SEMA3F: variants seen among roughly 807,000 people sequenced by gnomAD.
SEMA3F encodes the protein semaphorin-3F.
SEMA3F carries 30 observed loss-of-function variants against 98.5 expected under a neutral mutation model. The observed-to-expected ratio is 0.30, with a 90% CI of 0.23 to 0.41. The LOEUF (loss-of-function observed/expected upper bound fraction) is 0.41, where lower values mean the gene tolerates loss of function less well. SEMA3F is among the 10% of genes least tolerant of loss of function. The probability of loss-of-function intolerance (pLI) is 1.00; values close to 1 mark genes in which losing one functional copy is unlikely to be tolerated. For synonymous variants in SEMA3F, 380 were observed against 444.8 expected (o/e 0.85, Z 1.83); for missense variants, 866 against 1,119.3 (o/e 0.77, Z 3.23).
At position 50,183,017 on chromosome 3, in the gene SEMA3F, C is replaced by T. The variant is rs769235116; in HGVS notation, c.1017C>T (p.Leu339=). ...EDGIETHFDE[L]QDVFVQQTQD... is the part of the protein sequence containing the mutation. ...GCATTGAGACTCACTTTGATGAGCT[C>T]CGTGAGTGCCCAGCAGGCAGGCAGG... Residue 339 remains leucine, a splice_region_variant and synonymous_variant, in exon 10 of 19, where the codon CTC becomes CTT. Coordinates refer to ENST00000002829, the MANE Select transcript of SEMA3F (RefSeq NM_004186.5). 2.5e-6 allele frequency: 4 copies of T among 1,612,262 alleles called. No homozygotes were observed. Among genetic ancestry groups the T allele is most frequent in the South Asian group, 1.1e-5 (1 of 91,062 alleles).
At position 50,183,271 on chromosome 3, in the gene SEMA3F, G is replaced by C; in HGVS notation, c.1088+16G>C. On this transcript the variant is annotated intron_variant, in intron 11 of 18. Coordinates refer to ENST00000002829, the MANE Select transcript of SEMA3F (RefSeq NM_004186.5). ...CCTCCTCTGGGTGAGGCTGGGGTCA[G>C]GGCCAGCAGTGGCAGGGAGTGGCCC... 6.2e-7 allele frequency: 1 copy of C among 1,613,378 alleles called. No individual in the cohort carries two copies. Among genetic ancestry groups the C allele is most frequent in the Admixed American group, 1.7e-5 (1 of 60,022 alleles).
Position 50,184,825 on chromosome 3 carries a change from C to T in SEMA3F, c.1456+11C>T, listed in dbSNP as rs377674880. ...TTTTCCTGGGCACAGGTACCCACTGCTGCTCCCGGCCTCTCCCACGCTGGG... is the reference window on the plus strand; with the variant it reads ...TTTTCCTGGGCACAGGTACCCACTGTTGCTCCCGGCCTCTCCCACGCTGGG... On this transcript the variant is annotated intron_variant, in intron 13 of 18. Transcript: ENST00000002829. The T allele has an allele frequency of 6.9e-6, 11 of 1,604,568 alleles. No homozygotes were observed. Among genetic ancestry groups the T allele is most frequent in the Non-Finnish European group, 8.5e-6 (10 of 1,173,492 alleles).
Position 50,182,410 on chromosome 3 carries a change from G to A in SEMA3F, c.763+7G>A, listed in dbSNP as rs41291722. 7,862 of 1,613,248 alleles carry A rather than the reference G, an allele frequency of 4.9e-3. 27 individuals are homozygous for A. Among genetic ancestry groups the A allele is most frequent in the South Asian group, 7.1e-3 (643 of 91,074 alleles). ...AACTCCCGGTGGCTGAACGGTAAGCGCAGCCCCAGGAGCCCTTCCGTGGCC... is the reference window on the plus strand; with the variant it reads ...AACTCCCGGTGGCTGAACGGTAAGCACAGCCCCAGGAGCCCTTCCGTGGCC... On this transcript the variant is annotated splice_region_variant and intron_variant, in intron 8 of 18. Coordinates refer to ENST00000002829, the MANE Select transcript of SEMA3F (RefSeq NM_004186.5). The surrounding 1 kb of genome is among the most constrained non-coding windows in gnomAD (Gnocchi z 4.5).
At position 50,155,759 on chromosome 3, in the gene SEMA3F, C is replaced by T; in HGVS notation, c.-49+195C>T. The T allele has an allele frequency of 4.6e-6, 1 of 215,096 alleles. No homozygotes were observed. Among genetic ancestry groups the T allele is most frequent in the Non-Finnish European group, 9.1e-6 (1 of 109,590 alleles). The allele number at this position is 215,096 out of a possible 1,614,324, so 13.3% of individuals were successfully genotyped here. Reference sequence around the variant, plus strand: ...CTGTCCTGGAGGCCCGGACCCCTTACCTACGGGGCGGCGTATGGATGTGTG... The same window carrying T: ...CTGTCCTGGAGGCCCGGACCCCTTATCTACGGGGCGGCGTATGGATGTGTG... On this transcript the variant is annotated intron_variant, in intron 1 of 18. Coordinates refer to ENST00000002829, the MANE Select transcript of SEMA3F (RefSeq NM_004186.5). This position sits in a 1 kb window ranked among gnomAD's most constrained non-coding sequence, Gnocchi z 4.9.
chr3:50,174,545 C>T (rs563251331), intron 5 of SEMA3F, among the ~76,000 whole-genome samples, 195 bp downstream of exon 5: 56 of 152,380 alleles, frequency 3.7e-4, no homozygotes, highest in African/African-American at 1.3e-3. Context: ...TCTCACAGGT[C>T]GGTGTGAGGA....
intron 18 of SEMA3F, 32 bp downstream of exon 18, chr3:50,186,778 A>G: frequency 6.4e-7 from 1 of 1,562,832 alleles, no homozygotes; most frequent in Non-Finnish European, 8.7e-7. Flanking sequence ...TGCACCGTGG[A>G]TGTGAGTCCT....
intron 18 of SEMA3F, 118 bp from the exon 19 acceptor site, chr3:50,187,587 G>A (rs1699268996): frequency 1.4e-5 from 10 of 713,726 alleles, no homozygotes; most frequent in Non-Finnish European, 2.0e-5. Flanking sequence ...TCTGGCATAT[G>A]GAAATCCCAC....
rs1277440787 is a variant in SEMA3F at position 50,188,098 on chromosome 3, C to T, written c.2341C>T (p.His781Tyr). The change falls in exon 19 of 19, where the codon CAC (histidine) becomes TAC (tyrosine). Residue 781 changes from histidine (H) to tyrosine (Y), a missense_variant. Physicochemically the swap from His to Tyr is moderately conservative, Grantham distance 83 (BLOSUM62 2). This residue lies in a region of SEMA3F where 245 missense variants were observed against 260.5 expected (regional missense o/e 0.94). Coordinates refer to ENST00000002829, the MANE Select transcript of SEMA3F (RefSeq NM_004186.5). This position sits in a 1 kb window ranked among gnomAD's most constrained non-coding sequence, Gnocchi z 4.5. ...GAAAAAGCCCCGGAACCGCCGGCAC[C>T]ACCCTCCGGACACATGAGGCCAGCT... ...DQKKPRNRRH[H>Y]PPDT 3.9e-6 allele frequency: 6 copies of T among 1,537,078 alleles called. No individual in the cohort carries two copies. The highest frequency in any genetic ancestry group is 2.3e-5 in the East Asian group (1 of 42,586).
chr3:50,169,592 C>T (rs529213848), intron 2 of SEMA3F, among the ~76,000 whole-genome samples: 2 of 152,338 alleles, frequency 1.3e-5, no homozygotes, highest in South Asian at 4.1e-4. Context: ...CCTTCCTCCC[C>T]CTAAGGTCAA....
Position 50,166,965 on chromosome 3 carries a change from T to G in SEMA3F, c.113-6828T>G, listed in dbSNP as rs975744532. 2.6e-5 allele frequency among the ~76,000 whole-genome samples: 4 copies of G among 152,100 alleles called. No individual in the cohort carries two copies. Among genetic ancestry groups the G allele is most frequent in the Admixed American group, 6.5e-5 (1 of 15,280 alleles). On this transcript the variant is annotated intron_variant, in intron 2 of 18. Coordinates refer to ENST00000002829, the MANE Select transcript of SEMA3F (RefSeq NM_004186.5). This position sits in a 1 kb window ranked among gnomAD's most constrained non-coding sequence, Gnocchi z 4.7. ...GGCACTCACTGAATGGCCTTTTCACTCTCCCCACCTGAGAAATGAATCAGT... is the reference window on the plus strand; with the variant it reads ...GGCACTCACTGAATGGCCTTTTCACGCTCCCCACCTGAGAAATGAATCAGT...
rs1421573106 is a variant in SEMA3F at position 50,155,625 on chromosome 3, T to G, written c.-49+61T>G. ...CGGCCGGGCCACCCCGCGACCCCTC[T>G]GGGACCCGCGGCACTGCAACTCCGC... On this transcript the variant is annotated intron_variant, in intron 1 of 18. Transcript: ENST00000002829. The surrounding 1 kb of genome is among the most constrained non-coding windows in gnomAD (Gnocchi z 4.9). 5 of 234,950 alleles carry G rather than the reference T, an allele frequency of 2.1e-5. No homozygotes were observed. Among genetic ancestry groups the G allele is most frequent in the Non-Finnish European group, 4.1e-5 (5 of 121,942 alleles). The allele number at this position is 234,950 out of a possible 1,614,324, so 14.6% of individuals were successfully genotyped here. A position where few individuals can be genotyped will look rare whatever the true frequency, so the allele number is the denominator to read the frequency against.
chr3:50,176,780 T>C lies in SEMA3F; in HGVS notation c.562T>C (p.Tyr188His), dbSNP rs141707114. Residue 188 changes from tyrosine (Y) to histidine (H), a missense_variant, in exon 7 of 19, where the codon TAC becomes CAC. By Grantham distance (83) the Tyr-to-His change is moderately conservative (BLOSUM62 2). Coordinates refer to ENST00000002829, the MANE Select transcript of SEMA3F (RefSeq NM_004186.5). Reference protein sequence around the residue: ...PTAPRQDYIFYLEPERLESGK... With the variant: ...PTAPRQDYIFHLEPERLESGK... Reference sequence around the variant, plus strand: ...CTCTGCCTTACAGGATTACATCTTCTACCTGGAGCCTGAGCGACTCGAGTC... The same window carrying C: ...CTCTGCCTTACAGGATTACATCTTCCACCTGGAGCCTGAGCGACTCGAGTC... 7.4e-6 allele frequency: 12 copies of C among 1,612,774 alleles called. No homozygotes were observed. In the African/African-American group the frequency reaches 1.5e-4, roughly 20 times the overall value.
chr3:50,160,704 G>A (rs763647320), intron 2 of SEMA3F, among the ~76,000 whole-genome samples: 20 of 152,202 alleles, frequency 1.3e-4, no homozygotes, highest in African/African-American at 1.7e-4. Context: ...CCAGATTTCC[G>A]GGCAGCCATA....
At chr3:50,184,921 G>C in intron 13 of SEMA3F, 107 bp downstream of exon 13, 1 of 768,912 alleles carries the variant, frequency 1.3e-6, no homozygotes. Context: ...AAGCTCATCA[G>C]AGTCACTTCT....
At position 50,158,197 on chromosome 3, in the gene SEMA3F, G is replaced by A. The variant is rs1698068696; in HGVS notation, c.-48-1378G>A. The stretch of plus-strand genomic sequence containing the variant: ...CTTTGTGCCTCCCAGACCTGAGGAG[G>A]GGCTGGTTCTGATTCCCCCATCCCC... On this transcript the variant is annotated intron_variant, in intron 1 of 18. Transcript: ENST00000002829. This position sits in a 1 kb window ranked among gnomAD's most constrained non-coding sequence, Gnocchi z 4.8. 6.6e-6 allele frequency among the ~76,000 whole-genome samples: 1 copy of A among 152,236 alleles called. No individual in the cohort carries two copies.
chr3:50,178,802 C>G (rs1163297093), intron 7 of SEMA3F, among the ~76,000 whole-genome samples: 4 of 147,198 alleles, frequency 2.7e-5, no homozygotes, highest in African/African-American at 1.0e-4. Flanking sequence ...AGAGCTCAGG[C>G]AGAGTAGATT....
At position 50,185,966 on chromosome 3, in the gene SEMA3F, T is replaced by G. The variant is rs1168276927; in HGVS notation, c.1665T>G (p.Cys555Trp). ...GCTGCCAGGCGTATGGGGCTGCCTG[T>G]GCTGACTGCTGCCTTGCCCGGGACC... ...LHRCQAYGAA[C>W]ADCCLARDPY... The change falls in exon 16 of 19, where the codon TGT becomes TGG. Residue 555 changes from cysteine (C) to tryptophan (W), a missense_variant. Coordinates refer to ENST00000002829, the MANE Select transcript of SEMA3F (RefSeq NM_004186.5). 1 of 1,614,106 alleles carries G rather than the reference T, an allele frequency of 6.2e-7. No individual in the cohort carries two copies.
chr3:50,175,259 CTG>C, intron 6 of SEMA3F, 71 bp downstream of exon 6: 2 of 1,101,656 alleles, frequency 1.8e-6, no homozygotes, highest in South Asian at 2.7e-5. Context: ...GGGCCTGCAC[CTG>C]AGGCCAGCCT....
At chr3:50,170,134 G>T (rs1368138960) in intron 2 of SEMA3F, among the ~76,000 whole-genome samples, 1 of 152,146 alleles carries the variant, frequency 6.6e-6, no homozygotes, top group Non-Finnish European at 1.5e-5. Flanking sequence ...AGTCTGGCAT[G>T]AGTGGGGTCA....
Sources: allele counts gnomAD v4.1 joint callset (sites outside exome capture counted in the v4.1 genomes callset), GRCh38; gene constraint gnomAD v4.1.1; regional missense constraint gnomAD v4.1.1; non-coding constraint Gnocchi (gnomAD v3.1); transcripts MANE v1.5; gene names NCBI Gene and HGNC (gene_info 2026-07-23, HGNC 2026-07-21).